VCL: variants seen among roughly 807,000 people sequenced by gnomAD.
VCL encodes vinculin, also known as epididymis luminal protein 114.
VCL carries 47 observed loss-of-function variants against 125.7 expected under a neutral mutation model. The ratio of observed to expected loss-of-function variants is 0.37; its 90% CI spans 0.30 to 0.48. The LOEUF is 0.48. Among genes scored for constraint, VCL ranks in the 20% least tolerant of loss-of-function variants. VCL has a pLI of 0.99. For synonymous variants in VCL, 458 were observed against 514.6 expected (o/e 0.89, Z 1.49); for missense variants, 1,069 against 1,455.5 (o/e 0.73, Z 4.32).
Position 74,094,254 on chromosome 10 carries a change from T to C in VCL, c.1353-17T>C. 6.2e-7 allele frequency: 1 copy of C among 1,614,022 alleles called. No homozygotes were observed. The highest frequency in any genetic ancestry group is 8.5e-7 in the Non-Finnish European group (1 of 1,180,030). On this transcript the variant is annotated splice_polypyrimidine_tract_variant and intron_variant, in intron 10 of 21. Transcript: ENST00000211998. ...TAGTGTTTATGTGTGACAGGATGGCTGTCTTTTTCTCTGTAGGGGGAAAGG... is the reference window on the plus strand; with the variant it reads ...TAGTGTTTATGTGTGACAGGATGGCCGTCTTTTTCTCTGTAGGGGGAAAGG...
intron 1 of VCL, among the ~76,000 whole-genome samples, chr10:74,018,491 T>C (rs767551794): frequency 2.6e-5 from 4 of 152,042 alleles, no homozygotes; most frequent in Non-Finnish European, 5.9e-5. Flanking sequence ...GGAAGTTCAT[T>C]CCACTTTAGA....
chr10:74,105,384 C>T (rs1051225318), intron 16 of VCL, 31 bp downstream of exon 16: 13 of 1,611,478 alleles, frequency 8.1e-6, no homozygotes, highest in Non-Finnish European at 1.0e-5. Context: ...TGTCTCACCT[C>T]CACTGAGAGG....
chr10:74,110,975 G>C (rs928592250), intron 18 of VCL, among the ~76,000 whole-genome samples: 4 of 152,160 alleles, frequency 2.6e-5, no homozygotes, highest in African/African-American at 9.7e-5. Flanking sequence ...GAGCTCAGCT[G>C]CAGTCACTTG....
chr10:74,025,904 C>T (rs1840763046), intron 1 of VCL, among the ~76,000 whole-genome samples: 1 of 152,120 alleles, frequency 6.6e-6, no homozygotes, highest in Admixed American at 6.5e-5. Context: ...GAGAAGAGCT[C>T]TCAGCCCAGA....
chr10:74,076,667 C>T (rs1839591543), intron 6 of VCL: 1 of 152,580 alleles, frequency 6.6e-6, no homozygotes. Context: ...TAATCCTAGC[C>T]TTCAAAATCC....
intron 8 of VCL, 109 bp from the exon 9 acceptor site, chr10:74,089,087 G>A (rs1839834770): frequency 3.3e-6 from 5 of 1,518,656 alleles, no homozygotes; most frequent in South Asian, 2.4e-5. Flanking sequence ...CTGGGAAAAA[G>A]GAAAAAGCCA....
intron 1 of VCL, among the ~76,000 whole-genome samples, chr10:74,023,112 C>G (rs1035194305): frequency 3.3e-5 from 5 of 152,160 alleles, no homozygotes; most frequent in African/African-American, 1.2e-4. Flanking sequence ...AGGATTGTAG[C>G]TTAGTGTGTA....
At position 74,050,923 on chromosome 10, in the gene VCL, T is replaced by C. The variant is rs1841286166; in HGVS notation, c.239+7770T>C. On this transcript the variant is annotated intron_variant, in intron 2 of 21. Transcript: ENST00000211998. ...ACTTGCCACATTAAGCATAATTTAG[T>C]ACTACTGTATTTTTTTTTTTTTTTT... 4.8e-5 allele frequency among the ~76,000 whole-genome samples: 7 copies of C among 146,882 alleles called. No individual in the cohort carries two copies. In the Admixed American group the frequency reaches 5.0e-4, roughly 11 times the overall value.
chr10:74,095,319 G>A (rs1371741190), intron 11 of VCL, among the ~76,000 whole-genome samples: 3 of 151,964 alleles, frequency 2.0e-5, no homozygotes, highest in South Asian at 2.1e-4. Context: ...GGCTGGGTGC[G>A]GTGGCTCATC....
At chr10:74,078,244 G>GTC (rs892734407) in intron 6 of VCL, among the ~76,000 whole-genome samples, 3 of 152,278 alleles carry the variant, frequency 2.0e-5, no homozygotes, top group Admixed American at 6.5e-5. Flanking sequence ...CCTGTGGTGG[G>GTC]TCTCTCCCCA....
At chr10:74,113,466 T>G (rs1370921161) in intron 19 of VCL, among the ~76,000 whole-genome samples, 1 of 152,214 alleles carries the variant, frequency 6.6e-6, no homozygotes, top group Non-Finnish European at 1.5e-5. Context: ...ACTGAAGAAT[T>G]GATTCTTTAC....
At chr10:74,012,046 G>A (rs1228496249) in intron 1 of VCL, among the ~76,000 whole-genome samples, 1 of 152,152 alleles carries the variant, frequency 6.6e-6, no homozygotes, top group Non-Finnish European at 1.5e-5. Context: ...TCCTTCTTTT[G>A]AAATAAGCTT....
At chr10:74,047,058 C>A (rs556765456) in intron 2 of VCL, among the ~76,000 whole-genome samples, 1 of 152,238 alleles carries the variant, frequency 6.6e-6, no homozygotes, top group African/African-American at 2.4e-5. Context: ...CTTTCCTGTA[C>A]AAAATTTTTA....
intron 2 of VCL, among the ~76,000 whole-genome samples, chr10:74,060,235 G>A (rs1368695377): frequency 6.6e-6 from 1 of 152,100 alleles, no homozygotes; most frequent in African/African-American, 2.4e-5. Flanking sequence ...AGTCTGGGAG[G>A]TTGAGGCTAC....
At chr10:74,098,606 AAGG>A (rs1345183044) in intron 13 of VCL, among the ~76,000 whole-genome samples, 1 of 152,200 alleles carries the variant, frequency 6.6e-6, no homozygotes, top group East Asian at 1.9e-4. Context: ...CCTAGCTGCA[AAGG>A]AGTTTAGGAA....
At chr10:74,043,493 C>T (rs193280589) in intron 2 of VCL, among the ~76,000 whole-genome samples, 138 of 152,076 alleles carry the variant, frequency 9.1e-4, no homozygotes, top group East Asian at 3.7e-3. Flanking sequence ...ATTATAGGCG[C>T]GTGCCACCAT....
At chr10:74,039,997 A>G (rs1293806536) in intron 1 of VCL, among the ~76,000 whole-genome samples, 1 of 151,940 alleles carries the variant, frequency 6.6e-6, no homozygotes, top group Non-Finnish European at 1.5e-5. Flanking sequence ...AATACACCCA[A>G]TCTTTTCCTG....
At position 74,119,963 on chromosome 10, in the gene VCL, G is replaced by T. The variant is rs577038840; in HGVS notation, c.*1794G>T. The T allele has an allele frequency of 6.7e-6, 1 of 148,256 alleles. No individual in the cohort carries two copies. The highest frequency in any genetic ancestry group is 2.5e-5 in the African/African-American group (1 of 40,162). 9.2% of individuals were successfully genotyped at this position (148,256 alleles called of 1,614,324 possible). ...GAGACACTGGTTTACACTTTATGCC[G>T]GATGTGCTTTTCTCCAATATCAGTG... On this transcript the variant is annotated 3_prime_UTR_variant, in exon 22 of 22. Transcript: ENST00000211998.
In VCL at chr10:74,083,481, G is replaced by A; in HGVS notation, c.990G>A (p.Gln330=). 1.2e-6 allele frequency: 2 copies of A among 1,614,132 alleles called. No individual in the cohort carries two copies. The highest frequency in any genetic ancestry group is 1.7e-6 in the Non-Finnish European group (2 of 1,179,994). The change falls in exon 8 of 22, where the codon CAG becomes CAA. Residue 330 remains glutamine (Q), a synonymous_variant. Transcript: ENST00000211998. ...TGGGAACTTGCAAAATGCTAGGGCAGATGACTGATCAAGTGGCTGACCTCC... is the reference window on the plus strand; with the variant it reads ...TGGGAACTTGCAAAATGCTAGGGCAAATGACTGATCAAGTGGCTGACCTCC... The part of the protein sequence containing the change: ...EILGTCKMLG[Q]MTDQVADLRA...
Sources: gnomAD v4.1 joint callset for allele counts (sites outside exome capture counted in the v4.1 genomes callset) on GRCh38, gnomAD v4.1.1 for gene constraint, MANE v1.5 for transcripts, NCBI Gene and HGNC (gene_info 2026-07-23, HGNC 2026-07-21) for gene names.